Variants in SNX30 observed in about 807,000 individuals in gnomAD.
The protein encoded by SNX30 is sorting nexin family member 30.
In SNX30, 24 loss-of-function variants were observed where a neutral mutation model predicts 46.4. That is an observed-to-expected ratio of 0.52 (90% CI 0.37 to 0.73). The LOEUF is 0.73. SNX30 is among the 30% of genes least tolerant of loss of function. The probability of loss-of-function intolerance (pLI) is 0.00; values close to 1 mark genes in which losing one functional copy is unlikely to be tolerated. For missense variants in SNX30, 533 were observed against 555.7 expected (o/e 0.96, Z 0.41); for synonymous variants, 189 against 211.5 (o/e 0.89, Z 0.92).
intron 7 of SNX30, among the ~76,000 whole-genome samples, chr9:112,863,729 C>A (rs1254029255): frequency 6.6e-6 from 1 of 152,148 alleles, no homozygotes; most frequent in Non-Finnish European, 1.5e-5. Flanking sequence ...AGGCAGCTGG[C>A]CAGTAGTTGT....
chr9:112,764,540 C>G (rs1046865652), intron 1 of SNX30, among the ~76,000 whole-genome samples: 1 of 152,084 alleles, frequency 6.6e-6, no homozygotes, highest in Non-Finnish European at 1.5e-5. Context: ...CTGTGCCTGG[C>G]TAATCTTTTC....
At chr9:112,784,044 G>A (rs1839883694) in intron 1 of SNX30, among the ~76,000 whole-genome samples, 1 of 152,186 alleles carries the variant, frequency 6.6e-6, no homozygotes, top group African/African-American at 2.4e-5. Context: ...AATAATAGCA[G>A]TTTCTAATCC....
chr9:112,770,413 T>C (rs1839629980), intron 1 of SNX30, among the ~76,000 whole-genome samples: 2 of 151,890 alleles, frequency 1.3e-5, no homozygotes, highest in Non-Finnish European at 2.9e-5. Context: ...CCTTGTGATC[T>C]GCCCACCTCG....
intron 8 of SNX30, among the ~76,000 whole-genome samples, chr9:112,866,264 A>G (rs1841341606): frequency 6.6e-6 from 1 of 152,106 alleles, no homozygotes; most frequent in East Asian, 1.9e-4. Flanking sequence ...AGGGGGCATA[A>G]TGCAGACTAA....
In SNX30 at chr9:112,761,442, T is replaced by C. The variant is rs555670154; in HGVS notation, c.156+10285T>C. Reference sequence around the variant, plus strand: ...CCTCCCAGAGTGCTAGGATTACAGGTGTGAGCCACTGCTCCCGGCCCCAAG... The same window carrying C: ...CCTCCCAGAGTGCTAGGATTACAGGCGTGAGCCACTGCTCCCGGCCCCAAG... On this transcript the variant is annotated intron_variant, in intron 1 of 8. Coordinates refer to ENST00000374232, the MANE Select transcript of SNX30 (RefSeq NM_001012994.2). 4.6e-5 allele frequency among the ~76,000 whole-genome samples: 7 copies of C among 152,126 alleles called. No individual in the cohort carries two copies. In the South Asian group the frequency reaches 1.5e-3, roughly 32 times the overall value.
At chr9:112,795,317 A>C (rs1489690208) in intron 1 of SNX30, among the ~76,000 whole-genome samples, 1 of 152,218 alleles carries the variant, frequency 6.6e-6, no homozygotes, top group Non-Finnish European at 1.5e-5. Flanking sequence ...GCTTAGATTA[A>C]GAAGCTTGCT....
chr9:112,885,152 A>C (rs1368835334), downstream of SNX30: 1 of 152,064 alleles, frequency 6.6e-6, no homozygotes, highest in African/African-American at 2.4e-5. Flanking sequence ...TATTTTTCTC[A>C]ATTATGAAAT....
intron 6 of SNX30, among the ~76,000 whole-genome samples, chr9:112,844,433 TTAA>T (rs1317434274): frequency 6.6e-6 from 1 of 152,158 alleles, no homozygotes; most frequent in Non-Finnish European, 1.5e-5. Context: ...TGAATGGTGT[TTAA>T]ATCTCTGAGA....
At chr9:112,777,417 G>T (rs534286381) in intron 1 of SNX30, among the ~76,000 whole-genome samples, 1 of 150,092 alleles carries the variant, frequency 6.7e-6, no homozygotes, top group Non-Finnish European at 1.5e-5. Flanking sequence ...TCTTTTTAAA[G>T]ATATTTATTT....
At chr9:112,789,227 C>A (rs937081242) in intron 1 of SNX30, among the ~76,000 whole-genome samples, 2 of 152,174 alleles carry the variant, frequency 1.3e-5, no homozygotes, top group East Asian at 1.9e-4. Flanking sequence ...CCTTGACCAG[C>A]AGCAGAGGAA....
chr9:112,852,328 T>G (rs1219690853), intron 7 of SNX30, among the ~76,000 whole-genome samples: 6 of 152,198 alleles, frequency 3.9e-5, no homozygotes, highest in Non-Finnish European at 8.8e-5. Flanking sequence ...TAACAATGAT[T>G]TACAAGGTAT....
intron 1 of SNX30, among the ~76,000 whole-genome samples, chr9:112,804,310 A>G (rs1045442208): frequency 7.2e-5 from 11 of 152,122 alleles, no homozygotes; most frequent in Non-Finnish European, 1.0e-4. Flanking sequence ...GATCACAGGC[A>G]TGCACCACCA....
chr9:112,865,487 G>A (rs924790046), intron 8 of SNX30, among the ~76,000 whole-genome samples: 7 of 151,562 alleles, frequency 4.6e-5, no homozygotes, highest in Admixed American at 1.3e-4. Flanking sequence ...GTGTGGTGGC[G>A]TGTGCCTATA....
intron 7 of SNX30, among the ~76,000 whole-genome samples, chr9:112,863,569 A>G (rs990911573): frequency 1.3e-5 from 2 of 152,184 alleles, no homozygotes; most frequent in Non-Finnish European, 2.9e-5. Flanking sequence ...CCTGCTGTAT[A>G]TTTCTTCTTT....
intron 1 of SNX30, among the ~76,000 whole-genome samples, chr9:112,769,989 C>T (rs796610947): frequency 2.0e-5 from 3 of 152,198 alleles, no homozygotes; most frequent in African/African-American, 7.2e-5. Context: ...CTCACTCTCT[C>T]CACTGCTGCT....
At chr9:112,779,891 A>T (rs2131374584) in intron 1 of SNX30, among the ~76,000 whole-genome samples, 1 of 152,158 alleles carries the variant, frequency 6.6e-6, no homozygotes, top group Non-Finnish European at 1.5e-5. Context: ...CTCTGAGGGG[A>T]CGTGGGGAAT....
intron 7 of SNX30, among the ~76,000 whole-genome samples, chr9:112,860,931 T>C (rs1400123271): frequency 6.6e-6 from 1 of 152,194 alleles, no homozygotes; most frequent in African/African-American, 2.4e-5. Flanking sequence ...GTCACAGGTG[T>C]GCAATGACTC....
At chr9:112,767,888 T>A (rs991459917) in intron 1 of SNX30, among the ~76,000 whole-genome samples, 1 of 152,170 alleles carries the variant, frequency 6.6e-6, no homozygotes, top group Non-Finnish European at 1.5e-5. Flanking sequence ...ATGTGAGCCA[T>A]TTTGTCTGGC....
chr9:112,784,969 A>C (rs1012600617), intron 1 of SNX30, among the ~76,000 whole-genome samples: 10 of 152,236 alleles, frequency 6.6e-5, no homozygotes, highest in Non-Finnish European at 1.5e-4. Context: ...TGTTTGGATG[A>C]ATACATAAGC....
Sources: gnomAD v4.1 joint callset for allele counts (sites outside exome capture counted in the v4.1 genomes callset) on GRCh38, gnomAD v4.1.1 for gene constraint, MANE v1.5 for transcripts, NCBI Gene and HGNC (gene_info 2026-07-23, HGNC 2026-07-21) for gene names.